SACS: variants seen among roughly 807,000 people sequenced by gnomAD.
The protein encoded by SACS is sacsin molecular chaperone.
A neutral mutation model predicts 348.0 loss-of-function variants in SACS; 197 were observed. The observed-to-expected ratio is 0.57, with a 90% confidence interval of 0.50 to 0.64. SACS has a LOEUF of 0.64. Among genes scored for constraint, SACS ranks in the 30% least tolerant of loss-of-function variants. SACS has a pLI of 0.00. For missense variants in SACS, 4,999 were observed against 5,360.8 expected (o/e 0.93, Z 2.11); for synonymous variants, 1,985 against 1,910.6 (o/e 1.04, Z -1.02).
intron 2 of SACS, among the ~76,000 whole-genome samples, chr13:23,377,581 C>T (rs1871866976): frequency 6.6e-6 from 1 of 152,172 alleles, no homozygotes; most frequent in African/African-American, 2.4e-5. Flanking sequence ...GACTTTCCTA[C>T]CCACCACATT....
intron 1 of SACS, among the ~76,000 whole-genome samples, chr13:23,425,235 C>A (rs943803521): frequency 6.6e-6 from 1 of 151,884 alleles, no homozygotes; most frequent in Non-Finnish European, 1.5e-5. Flanking sequence ...GCCTATGTGT[C>A]CACCTGGGAC....
chr13:23,408,113 G>A (rs930232126), intron 2 of SACS, among the ~76,000 whole-genome samples: 5 of 152,148 alleles, frequency 3.3e-5, no homozygotes, highest in Admixed American at 6.6e-5. Context: ...ATAGGTGTCA[G>A]AATATGATTT....
chr13:23,380,884 C>T (rs1872025982), intron 2 of SACS, among the ~76,000 whole-genome samples: 1 of 152,154 alleles, frequency 6.6e-6, no homozygotes, highest in Non-Finnish European at 1.5e-5. Context: ...TGGCTTTCAT[C>T]CGTAAAAGTT....
At position 23,390,763 on chromosome 13, in the gene SACS, T is replaced by C. The variant is rs539467170; in HGVS notation, c.21-15494A>G. Among the ~76,000 whole-genome samples, 27 of 152,338 alleles carry C rather than the reference T, an allele frequency of 1.8e-4. 1 individual carries two copies. Among genetic ancestry groups the C allele is most frequent in the Non-Finnish European group, 2.8e-4 (19 of 68,030 alleles). On this transcript the variant is annotated intron_variant, in intron 2 of 9. Coordinates refer to ENST00000382292, the MANE Select transcript of SACS (RefSeq NM_014363.6). Reference sequence around the variant, plus strand: ...TTCTCATGAAGAAGCTATCAGTTTGTTTTTCAGTGAAGGCAGCCATCCCTC... The same window carrying C: ...TTCTCATGAAGAAGCTATCAGTTTGCTTTTCAGTGAAGGCAGCCATCCCTC...
At chr13:23,359,665 A>G (rs959022454) in intron 6 of SACS, among the ~76,000 whole-genome samples, 12 of 152,164 alleles carry the variant, frequency 7.9e-5, no homozygotes, top group Admixed American at 5.9e-4. Flanking sequence ...ATTCAACTAT[A>G]TTCACTCATC....
chr13:23,413,759 A>G (rs1873591620), intron 1 of SACS, among the ~76,000 whole-genome samples: 1 of 152,226 alleles, frequency 6.6e-6, no homozygotes, highest in Non-Finnish European at 1.5e-5. Context: ...CAAACATATC[A>G]ATGCAAAATC....
Position 23,337,755 on chromosome 13 carries a change from C to T in SACS, c.6121G>A (p.Gly2041Ser), listed in dbSNP as rs1868780843. Residue 2041 changes from glycine (G) to serine (S), a missense_variant, in exon 10 of 10, where the codon GGC (glycine) becomes AGC (serine). Transcript: ENST00000382292. ...TTTTCAAGTAGTATCTGTTTGCAGC[C>T]AGCTTCTTCAAATCCTAATTTTACC... ...SSVKLGFEEAGCKQILLENTF... is the reference protein window; with the variant it reads ...SSVKLGFEEASCKQILLENTF... 3 of 1,613,776 alleles carry T rather than the reference C, an allele frequency of 1.9e-6. No homozygotes were observed. The highest frequency in any genetic ancestry group is 2.7e-5 in the African/African-American group (2 of 74,926).
chr13:23,411,986 G>T (rs1339031321), intron 1 of SACS, among the ~76,000 whole-genome samples: 1 of 152,222 alleles, frequency 6.6e-6, no homozygotes, highest in Non-Finnish European at 1.5e-5. Flanking sequence ...TCGGCCGGGC[G>T]CGGTGGCTCA....
chr13:23,351,173 C>T (rs1458716164), intron 9 of SACS, among the ~76,000 whole-genome samples: 4 of 152,124 alleles, frequency 2.6e-5, no homozygotes. Flanking sequence ...CCCGTAAGGC[C>T]CTATATCATC....
chr13:23,391,093 A>G (rs1015820263), intron 2 of SACS, among the ~76,000 whole-genome samples: 1 of 152,262 alleles, frequency 6.6e-6, no homozygotes, highest in Admixed American at 6.5e-5. Flanking sequence ...CAACACAAGG[A>G]AAAAGGTCAA....
At chr13:23,385,474 C>T (rs1307363145) in intron 2 of SACS, among the ~76,000 whole-genome samples, 1 of 152,016 alleles carries the variant, frequency 6.6e-6, no homozygotes, top group African/African-American at 2.4e-5. Context: ...ATTCTCCTGC[C>T]TCAGCCTCCC....
In SACS at chr13:23,331,427, T is replaced by C. The variant is rs1262377168; in HGVS notation, c.12449A>G (p.Lys4150Arg). The C allele has an allele frequency of 6.2e-7, 1 of 1,614,022 alleles. No homozygotes were observed. The highest frequency in any genetic ancestry group is 8.5e-7 in the Non-Finnish European group (1 of 1,179,936). The stretch of plus-strand genomic sequence containing the variant: ...TGTGCCAGGCATTGGAAGTTCCAGT[T>C]TTGATGGCTCCGAAGAGTCATATTT... ...GVKYDSSEPS[K>R]LELPMPGTPI... The change falls in exon 10 of 10, where the codon AAA (lysine) becomes AGA (arginine). Residue 4150 changes from lysine to arginine, a missense_variant. By Grantham distance (26) the Lys-to-Arg change is conservative. Around this residue, in one of 6 missense-constraint regions of SACS, gnomAD observed 831 missense variants for 941.8 expected, o/e 0.88. Coordinates refer to ENST00000382292, the MANE Select transcript of SACS (RefSeq NM_014363.6).
At position 23,338,539 on chromosome 13, in the gene SACS, C is replaced by T. The variant is rs767529590; in HGVS notation, c.5337G>A (p.Ser1779=). Residue 1779 remains serine (S), a synonymous_variant, in exon 10 of 10, where the codon TCG becomes TCA. Transcript: ENST00000382292. ...HVFRRIADLQ[S]PLFRGPDDDP... is the part of the protein sequence containing the mutation. Reference sequence around the variant, plus strand: ...CATCATCTGGACCTCTAAAAAGTGGCGACTGTAAATCAGCAATCCTTCTGA... The same window carrying T: ...CATCATCTGGACCTCTAAAAAGTGGTGACTGTAAATCAGCAATCCTTCTGA... 182 of 1,613,954 alleles carry T rather than the reference C, an allele frequency of 1.1e-4. No individual in the cohort carries two copies. The highest frequency in any genetic ancestry group is 1.5e-4 in the Non-Finnish European group (176 of 1,179,992).
intron 3 of SACS, among the ~76,000 whole-genome samples, chr13:23,372,288 A>T (rs1176745394): frequency 6.6e-6 from 1 of 152,212 alleles, no homozygotes; most frequent in Non-Finnish European, 1.5e-5. Context: ...GAAAGTAAGG[A>T]GACCAGGACA....
At position 23,341,070 on chromosome 13, in the gene SACS, G is replaced by A. The variant is rs61978562; in HGVS notation, c.2806C>T (p.Gln936Ter). The change falls in exon 10 of 10, where the codon CAG becomes TAG. Residue 936 changes from glutamine (Q) to a stop codon, truncating the protein, a stop_gained. Transcript: ENST00000382292. LOFTEE classifies it high-confidence loss of function. ...AATTTTGTATAAGAGGAAATTCCCT[G>A]ATCAGAAGAATGGTTAATGCGCTTG... ...IFKRINHSSDQGISSYTKLKG... is the reference protein window; with the variant it reads ...IFKRINHSSD 1.2e-6 allele frequency: 2 copies of A among 1,614,086 alleles called. No individual in the cohort carries two copies. The highest frequency in any genetic ancestry group is 1.7e-5 in the Admixed American group (1 of 60,030).
intron 2 of SACS, among the ~76,000 whole-genome samples, chr13:23,397,496 T>G (rs1483038643): frequency 6.6e-6 from 1 of 152,242 alleles, no homozygotes; most frequent in Non-Finnish European, 1.5e-5. Context: ...CAAAGTTTTC[T>G]TGGATTATTG....
rs1429260231 is a variant in SACS at position 23,333,781 on chromosome 13, TAG to T, written c.10093_10094del (p.Leu3365ThrfsTer10). The T allele has an allele frequency of 1.2e-6, 2 of 1,613,882 alleles. No homozygotes were observed. On this transcript the variant is annotated frameshift_variant, in exon 10 of 10. Coordinates refer to ENST00000382292, the MANE Select transcript of SACS (RefSeq NM_014363.6). LOFTEE classifies it high-confidence loss of function. ...ATGTTGAAGTTTGGACCATATAATG[TAG>T]AGCCTTCAAGATGCTTGTGGGGCTC... ...IESPTSILKA[L>X]HYMVQTSTFR...
At chr13:23,375,682 A>G (rs1302543960) in intron 2 of SACS, 2 of 442,438 alleles carry the variant, frequency 4.5e-6, no homozygotes, top group Non-Finnish European at 5.2e-6. Context: ...GGGAACGCCC[A>G]TCCAGGCCCC....
At chr13:23,351,830 T>C (rs1869978026) in intron 9 of SACS, among the ~76,000 whole-genome samples, 1 of 152,118 alleles carries the variant, frequency 6.6e-6, no homozygotes, top group African/African-American at 2.4e-5. Flanking sequence ...GAACATCTAG[T>C]GTCACAATGC....
Sources: gnomAD v4.1 joint callset for allele counts (sites outside exome capture counted in the v4.1 genomes callset) on GRCh38, gnomAD v4.1.1 for gene constraint, gnomAD v4.1.1 regional missense constraint, MANE v1.5 for transcripts, NCBI Gene and HGNC (gene_info 2026-07-23, HGNC 2026-07-21) for gene names.